CADM2: variants seen among roughly 807,000 people sequenced by gnomAD.
The protein encoded by CADM2 is immunoglobulin superfamily member 4D.
CADM2 carries 12 observed loss-of-function variants against 49.8 expected under a neutral mutation model. The observed-to-expected ratio is 0.24, with a 90% CI of 0.15 to 0.39. The LOEUF (loss-of-function observed/expected upper bound fraction) is 0.39, where lower values mean the gene tolerates loss of function less well. Ranked by LOEUF, CADM2 falls within the 10% of genes least tolerant of loss-of-function variation. The probability of loss-of-function intolerance (pLI) is 1.00; values close to 1 mark genes in which losing one functional copy is unlikely to be tolerated. For missense variants in CADM2, 378 were observed against 492.3 expected (o/e 0.77, Z 2.20); for synonymous variants, 214 against 175.4 (o/e 1.22, Z -1.74).
At chr3:85,182,901 C>T (rs1330660411) in intron 1 of CADM2, among the ~76,000 whole-genome samples, 1 of 151,982 alleles carries the variant, frequency 6.6e-6, no homozygotes, top group Non-Finnish European at 1.5e-5. Flanking sequence ...GCAAGTATTA[C>T]GTTGCTCTTT....
At chr3:85,517,793 A>G (rs2060939266) in intron 1 of CADM2, among the ~76,000 whole-genome samples, 1 of 152,184 alleles carries the variant, frequency 6.6e-6, no homozygotes, top group South Asian at 2.1e-4. Flanking sequence ...AGTGGGCAGA[A>G]TCAAATTATG....
chr3:85,571,362 C>G (rs2062468926), intron 1 of CADM2, among the ~76,000 whole-genome samples: 1 of 151,346 alleles, frequency 6.6e-6, no homozygotes, highest in Non-Finnish European at 1.5e-5. Context: ...GAATTATGAC[C>G]TTAGAATCTT....
chr3:85,370,141 A>C (rs759689495), intron 1 of CADM2, among the ~76,000 whole-genome samples: 1 of 151,104 alleles, frequency 6.6e-6, no homozygotes, highest in Non-Finnish European at 1.5e-5. Flanking sequence ...TGAAACCGGG[A>C]GGGAGAGGTT....
intron 1 of CADM2, among the ~76,000 whole-genome samples, chr3:85,562,546 T>C (rs1213621920): frequency 6.8e-6 from 1 of 147,550 alleles, no homozygotes; most frequent in East Asian, 2.0e-4. Flanking sequence ...GTATTTAGCA[T>C]AATTCTGACA....
chr3:85,714,077 AC>A (rs1674508086), intron 1 of CADM2, among the ~76,000 whole-genome samples: 2 of 152,192 alleles, frequency 1.3e-5, no homozygotes, highest in Non-Finnish European at 2.9e-5. Flanking sequence ...ACATACAGAA[AC>A]TTGCCTTGCC....
intron 1 of CADM2, among the ~76,000 whole-genome samples, chr3:84,975,001 A>T (rs867420220): frequency 5.3e-5 from 8 of 151,868 alleles, no homozygotes; most frequent in African/African-American, 1.9e-4. Context: ...TCTAACCATT[A>T]TTTGAAATAT....
chr3:85,637,322 G>A (rs561614982), intron 1 of CADM2, among the ~76,000 whole-genome samples: 1 of 151,978 alleles, frequency 6.6e-6, no homozygotes, highest in South Asian at 2.1e-4. Context: ...GGTATTATTG[G>A]CCGGGCGCGG....
At chr3:85,378,132 A>T (rs1231324786) in intron 1 of CADM2, among the ~76,000 whole-genome samples, 4 of 152,054 alleles carry the variant, frequency 2.6e-5, no homozygotes, top group Non-Finnish European at 5.9e-5. Flanking sequence ...AAAAATCTTC[A>T]TTCACACCAA....
chr3:85,357,043 A>C (rs757187136), intron 1 of CADM2, among the ~76,000 whole-genome samples: 9 of 152,092 alleles, frequency 5.9e-5, no homozygotes, highest in Non-Finnish European at 1.2e-4. Context: ...TTAATTTTAT[A>C]TTTACATTGA....
At chr3:85,748,838 T>G (rs951141848) in intron 2 of CADM2, among the ~76,000 whole-genome samples, 2 of 152,148 alleles carry the variant, frequency 1.3e-5, no homozygotes, top group Non-Finnish European at 2.9e-5. Context: ...AAGTATTCAA[T>G]GTTGTCTGGT....
intron 1 of CADM2, among the ~76,000 whole-genome samples, chr3:85,065,705 G>T (rs2036504511): frequency 6.6e-6 from 1 of 152,090 alleles, no homozygotes; most frequent in Non-Finnish European, 1.5e-5. Flanking sequence ...CTATTCATCA[G>T]CAGGTAACCT....
At chr3:85,053,453 G>A (rs746596504) in intron 1 of CADM2, among the ~76,000 whole-genome samples, 1 of 151,900 alleles carries the variant, frequency 6.6e-6, no homozygotes, top group Non-Finnish European at 1.5e-5. Flanking sequence ...GAAAGAACTG[G>A]GAGTGTTAAG....
At chr3:85,615,251 G>C (rs1406527139) in intron 1 of CADM2, among the ~76,000 whole-genome samples, 1 of 151,690 alleles carries the variant, frequency 6.6e-6, no homozygotes, top group East Asian at 1.9e-4. Flanking sequence ...GAAAGAAAGA[G>C]AAAGAAAGAA....
intron 8 of CADM2, among the ~76,000 whole-genome samples, chr3:86,044,490 G>T (rs1736385666): frequency 6.6e-6 from 1 of 152,188 alleles, no homozygotes; most frequent in Non-Finnish European, 1.5e-5. Flanking sequence ...TCAGAAAAAT[G>T]CAAATCAAAA....
chr3:85,563,708 T>A (rs1036967193), intron 1 of CADM2, among the ~76,000 whole-genome samples: 10 of 152,142 alleles, frequency 6.6e-5, no homozygotes, highest in Non-Finnish European at 1.3e-4. Context: ...GGCAGCAATT[T>A]GCGAAAATGT....
chr3:85,082,295 ATTACATATTATGTC>A (rs1443758815), intron 1 of CADM2, among the ~76,000 whole-genome samples: 1 of 152,170 alleles, frequency 6.6e-6, no homozygotes, highest in Non-Finnish European at 1.5e-5. Context: ...TTGGGACCTT[ATTACATATTATGTC>A]TTACATTTTT....
At chr3:84,999,482 G>A (rs1483143833) in intron 1 of CADM2, among the ~76,000 whole-genome samples, 3 of 152,096 alleles carry the variant, frequency 2.0e-5, no homozygotes, top group Non-Finnish European at 4.4e-5. Flanking sequence ...GCCCTTAGGA[G>A]CACTAGATAG....
intron 3 of CADM2, among the ~76,000 whole-genome samples, chr3:85,855,885 G>A (rs150132929): frequency 0.05 from 7,655 of 151,758 alleles, 540 homozygotes; most frequent in African/African-American, 0.16. Context: ...CTCGGCCTCC[G>A]AAAGTGCTGG....
intron 8 of CADM2, among the ~76,000 whole-genome samples, chr3:86,050,217 G>C (rs1737182035): frequency 6.6e-6 from 1 of 152,194 alleles, no homozygotes; most frequent in African/African-American, 2.4e-5. Flanking sequence ...AAACCAAGCA[G>C]GGCAGTCATT....
Sources: gnomAD v4.1 joint callset for allele counts (sites outside exome capture counted in the v4.1 genomes callset) on GRCh38, gnomAD v4.1.1 for gene constraint, MANE v1.5 for transcripts, NCBI Gene and HGNC (gene_info 2026-07-23, HGNC 2026-07-21) for gene names.